CNIH3: variants seen among roughly 807,000 people sequenced by gnomAD.
The protein encoded by CNIH3 is protein cornichon homolog 3.
Under a neutral mutation model 24.1 loss-of-function variants are expected in CNIH3, and 14 were observed. The ratio of observed to expected loss-of-function variants is 0.58; its 90% CI spans 0.38 to 0.91. The LOEUF is 0.91. Ranked by LOEUF, CNIH3 falls within the 40% of genes least tolerant of loss-of-function variation. The pLI is 0.00. For synonymous variants in CNIH3, 68 were observed against 73.8 expected, an observed-to-expected ratio of 0.92 and a Z score of 0.40; for missense variants, 178 against 196.8, an observed-to-expected ratio of 0.90 and a Z score of 0.57.
chr1:224,701,147 A>G (rs1687464423), intron 3 of CNIH3, among the ~76,000 whole-genome samples: 1 of 150,518 alleles, frequency 6.6e-6, no homozygotes, highest in South Asian at 2.1e-4. Flanking sequence ...TGGAGAGGCC[A>G]CTAGGGGGTG....
chr1:224,644,235 G>T (rs917419511), intron 1 of CNIH3, among the ~76,000 whole-genome samples: 5 of 152,172 alleles, frequency 3.3e-5, no homozygotes, highest in Non-Finnish European at 7.3e-5. Flanking sequence ...TTTTGAGACA[G>T]TGTCTCACTC....
At chr1:224,662,266 G>T (rs1339349354) in intron 1 of CNIH3, among the ~76,000 whole-genome samples, 2 of 152,112 alleles carry the variant, frequency 1.3e-5, no homozygotes, top group Admixed American at 6.5e-5. Flanking sequence ...TAGCAGTCTA[G>T]ATTACGTATG....
intron 3 of CNIH3, among the ~76,000 whole-genome samples, chr1:224,562,475 A>G (rs562517307): frequency 6.6e-6 from 1 of 152,322 alleles, no homozygotes; most frequent in Non-Finnish European, 1.5e-5. Flanking sequence ...GGTCTGGGAT[A>G]TACATTGATT....
In CNIH3 at chr1:224,739,458, G is replaced by A. The variant is rs776786752; in HGVS notation, c.*102G>A. 8.4e-5 allele frequency: 132 copies of A among 1,568,136 alleles called. No individual in the cohort carries two copies. Among genetic ancestry groups the A allele is most frequent in the African/African-American group, 2.9e-4 (21 of 72,096 alleles). On this transcript the variant is annotated 3_prime_UTR_variant, in exon 6 of 6. Transcript: ENST00000272133. Reference sequence around the variant, plus strand: ...GGAGGAGGGACCAGAATGAGGATACGTGAGAAATAGACCCGGCAGGCAGTC... The same window carrying A: ...GGAGGAGGGACCAGAATGAGGATACATGAGAAATAGACCCGGCAGGCAGTC...
chr1:224,520,592 A>G (rs908107754), intron 1 of CNIH3, among the ~76,000 whole-genome samples: 4 of 152,270 alleles, frequency 2.6e-5, no homozygotes, highest in African/African-American at 9.6e-5. Context: ...TCAGTTTCAT[A>G]AGGTTCAGGC....
chr1:224,690,109 A>G (rs556691690), intron 3 of CNIH3, among the ~76,000 whole-genome samples: 1 of 152,350 alleles, frequency 6.6e-6, no homozygotes, highest in Non-Finnish European at 1.5e-5. Context: ...GTATGAGAAT[A>G]AGGAGAAATG....
At chr1:224,695,962 A>G (rs946684809) in intron 3 of CNIH3, among the ~76,000 whole-genome samples, 3 of 152,216 alleles carry the variant, frequency 2.0e-5, no homozygotes, top group African/African-American at 7.2e-5. Context: ...TAATGTAACA[A>G]GGAACTCTGG....
chr1:224,651,326 C>G (rs1370921466), intron 1 of CNIH3, among the ~76,000 whole-genome samples: 2 of 152,204 alleles, frequency 1.3e-5, no homozygotes, highest in Non-Finnish European at 2.9e-5. Flanking sequence ...TGTTAGCGTT[C>G]TGGTGACTGT....
intron 1 of CNIH3, among the ~76,000 whole-genome samples, chr1:224,501,542 C>T (rs1169628473): frequency 6.7e-6 from 1 of 149,238 alleles, no homozygotes; most frequent in East Asian, 2.0e-4. Context: ...TTTTTTAACC[C>T]CAGAGTTCAT....
intron 1 of CNIH3, among the ~76,000 whole-genome samples, chr1:224,659,300 G>A (rs1416915497): frequency 6.6e-6 from 1 of 152,088 alleles, no homozygotes; most frequent in African/African-American, 2.4e-5. Flanking sequence ...ATAGCACAAG[G>A]ACTTTAAAAG....
At chr1:224,710,939 G>A (rs1053918198) in intron 3 of CNIH3, among the ~76,000 whole-genome samples, 17 of 151,884 alleles carry the variant, frequency 1.1e-4, no homozygotes, top group Admixed American at 2.0e-4. Context: ...GTTTTATCTC[G>A]CTTACCTGGC....
intron 5 of CNIH3, among the ~76,000 whole-genome samples, chr1:224,584,012 C>T (rs1258342583): frequency 6.6e-6 from 1 of 152,208 alleles, no homozygotes; most frequent in African/African-American, 2.4e-5. Context: ...CTGCAACTCA[C>T]TCACCACTGC....
chr1:224,707,937 C>T (rs1687912677), intron 3 of CNIH3, among the ~76,000 whole-genome samples: 1 of 152,148 alleles, frequency 6.6e-6, no homozygotes, highest in Non-Finnish European at 1.5e-5. Flanking sequence ...CCTGGTGCTG[C>T]TGAGACCCTC....
chr1:224,599,717 CTT>C (rs1404626873), intron 3 of CNIH3, among the ~76,000 whole-genome samples: 1 of 151,964 alleles, frequency 6.6e-6, no homozygotes, highest in Non-Finnish European at 1.5e-5. Context: ...TGCTTAATAA[CTT>C]TTATTGATTG....
intron 1 of CNIH3, chr1:224,661,769 C>T: frequency 4.5e-6 from 1 of 223,844 alleles, no homozygotes; most frequent in Non-Finnish European, 9.1e-6. Flanking sequence ...CTCTCTGCTG[C>T]TTTATTCTCA....
At position 224,446,883 on chromosome 1, in the gene CNIH3, G is replaced by A. The variant is rs188488658; in HGVS notation, n.203+12021G>A. Among the ~76,000 whole-genome samples, 301 of 152,224 alleles carry A rather than the reference G, an allele frequency of 2.0e-3. 2 individuals are homozygous for A. The highest frequency in any genetic ancestry group is 6.7e-3 in the Admixed American group (103 of 15,288). On this transcript the variant is annotated intron_variant and non_coding_transcript_variant, in intron 1 of 5. Transcript: ENST00000471578. The stretch of plus-strand genomic sequence containing the variant: ...AGCCAGACTGGACCCAGCTGAGCCC[G>A]TAACAAAACCCTGAGGGAGGGAGGG...
chr1:224,690,205 A>G (rs1234096104), intron 3 of CNIH3, among the ~76,000 whole-genome samples: 1 of 151,994 alleles, frequency 6.6e-6, no homozygotes, highest in Non-Finnish European at 1.5e-5. Context: ...TTTCATTTTT[A>G]TTTTTTATTT....
chr1:224,537,197 C>T (rs555084813), downstream of CNIH3: 3 of 152,292 alleles, frequency 2.0e-5, no homozygotes, highest in South Asian at 2.1e-4. Context: ...TACCCTGAAA[C>T]GGTTCTGTTG....
intron 3 of CNIH3, among the ~76,000 whole-genome samples, chr1:224,594,366 T>G (rs1466436017): frequency 6.6e-6 from 1 of 152,164 alleles, no homozygotes; most frequent in East Asian, 1.9e-4. Flanking sequence ...TTATCTAAGC[T>G]ATTAGAGCTT....
Sources: allele counts gnomAD v4.1 joint callset (sites outside exome capture counted in the v4.1 genomes callset), GRCh38; gene constraint gnomAD v4.1.1; transcripts MANE v1.5; gene names NCBI Gene and HGNC (gene_info 2026-07-23, HGNC 2026-07-21).